TOX2: variants seen among roughly 807,000 people sequenced by gnomAD.
The protein encoded by TOX2 is TOX high mobility group box family member 2.
In TOX2, 15 loss-of-function variants were observed where a neutral mutation model predicts 47.4. The ratio of observed to expected loss-of-function variants is 0.32; its 90% confidence interval spans 0.21 to 0.49. The LOEUF (loss-of-function observed/expected upper bound fraction) is 0.49. Among genes scored for constraint, TOX2 ranks in the 20% least tolerant of loss-of-function variants. TOX2 has a pLI of 0.99. For synonymous variants in TOX2, 290 were observed against 296.6 expected (o/e 0.98, Z 0.23); for missense variants, 622 against 673.1 (o/e 0.92, Z 0.84).
At chr20:44,001,187 A>G (rs1397062564) in intron 2 of TOX2, among the ~76,000 whole-genome samples, 2 of 152,208 alleles carry the variant, frequency 1.3e-5, no homozygotes, top group African/African-American at 4.8e-5. Flanking sequence ...GGAACGGCCA[A>G]TTCTACTGTA....
chr20:44,055,536 A>G (rs2071601273), intron 5 of TOX2, among the ~76,000 whole-genome samples: 1 of 152,166 alleles, frequency 6.6e-6, no homozygotes, highest in Non-Finnish European at 1.5e-5. Context: ...CGGAGCTGGA[A>G]AGGAGGGCAG....
intron 3 of TOX2, among the ~76,000 whole-genome samples, chr20:44,031,260 C>T (rs911789884): frequency 5.9e-5 from 9 of 152,110 alleles, no homozygotes; most frequent in Non-Finnish European, 4.4e-5. Flanking sequence ...TGTGTTCAGC[C>T]GCTGTTCCTT....
intron 5 of TOX2, among the ~76,000 whole-genome samples, chr20:44,059,980 A>C (rs1042773914): frequency 1.3e-5 from 2 of 152,168 alleles, no homozygotes; most frequent in Non-Finnish European, 2.9e-5. Flanking sequence ...TGAATAATTG[A>C]CCAACTGAGT....
At chr20:44,051,005 G>A (rs1487962297) in intron 3 of TOX2, among the ~76,000 whole-genome samples, 1 of 152,188 alleles carries the variant, frequency 6.6e-6, no homozygotes, top group African/African-American at 2.4e-5. Flanking sequence ...CTCATCAAAT[G>A]ATCCAACATA....
Position 43,916,238 on chromosome 20 carries a change from GC to G in TOX2, c.99+1254del. 1 of 985,118 alleles carries G rather than the reference GC, an allele frequency of 1.0e-6. No homozygotes were observed. Among genetic ancestry groups the G allele is most frequent in the Non-Finnish European group, 1.2e-6 (1 of 829,638 alleles). 61.0% of individuals were successfully genotyped at this position (985,118 alleles called of 1,614,324 possible). On this transcript the variant is annotated intron_variant, in intron 1 of 8. Transcript: ENST00000341197. The surrounding 1 kb of genome is among the most constrained non-coding windows in gnomAD (Gnocchi z 5.0). ...GTGCGCGTCCAGTGGCTGGATCGGCGCCCCCCAGGGTCTCTCCCCAACCTCG... is the reference window on the plus strand; with the variant it reads ...GTGCGCGTCCAGTGGCTGGATCGGCGCCCCCAGGGTCTCTCCCCAACCTCG...
intron 2 of TOX2, among the ~76,000 whole-genome samples, chr20:43,995,113 T>C (rs1418029788): frequency 6.6e-6 from 1 of 152,014 alleles, no homozygotes; most frequent in Non-Finnish European, 1.5e-5. Context: ...GGACTTTTAG[T>C]TTTTTATTTT....
intron 1 of TOX2, among the ~76,000 whole-genome samples, chr20:43,966,786 G>A (rs1176637322): frequency 6.6e-6 from 1 of 151,830 alleles, no homozygotes; most frequent in African/African-American, 2.4e-5. Flanking sequence ...GGCACTGGAG[G>A]CTCCCACTAT....
chr20:43,964,179 C>G (rs1378515017), intron 1 of TOX2, among the ~76,000 whole-genome samples: 6 of 151,974 alleles, frequency 3.9e-5, no homozygotes, highest in African/African-American at 7.2e-5. Flanking sequence ...GTGTTTGTAT[C>G]CACTGTGCCA....
Position 43,915,009 on chromosome 20 carries a change from G to A in TOX2, c.99+19G>A, listed in dbSNP as rs2069040323. On this transcript the variant is annotated intron_variant, in intron 1 of 8. Coordinates refer to ENST00000341197, the MANE Select transcript of TOX2 (RefSeq NM_001098797.2). This position sits in a 1 kb window ranked among gnomAD's most constrained non-coding sequence, Gnocchi z 7.1. Reference sequence around the variant, plus strand: ...CGGCAAGGTAGGCGGGGGCGGGCGGGGGTCCCCGGCGGGCGGGGCCGGAGT... The same window carrying A: ...CGGCAAGGTAGGCGGGGGCGGGCGGAGGTCCCCGGCGGGCGGGGCCGGAGT... 1 of 1,236,414 alleles carries A rather than the reference G, an allele frequency of 8.1e-7. No individual in the cohort carries two copies. The highest frequency in any genetic ancestry group is 1.0e-6 in the Non-Finnish European group (1 of 988,266). The allele number at this position is 1,236,414 out of a possible 1,614,324, so 76.6% of individuals were successfully genotyped here.
intron 3 of TOX2, among the ~76,000 whole-genome samples, chr20:44,048,414 G>GTATA (rs1192610026): frequency 8.4e-6 from 1 of 118,374 alleles, no homozygotes; most frequent in East Asian, 2.2e-4. Flanking sequence ...ATATATATAT[G>GTATA]TATAATTTAC....
intron 2 of TOX2, among the ~76,000 whole-genome samples, chr20:43,978,868 G>A (rs894095835): frequency 4.6e-5 from 7 of 151,884 alleles, no homozygotes; most frequent in Non-Finnish European, 7.4e-5. Context: ...TGACAAGAAT[G>A]AATACAGGGA....
intron 3 of TOX2, among the ~76,000 whole-genome samples, chr20:44,010,658 A>G (rs111866976): frequency 1.3e-3 from 194 of 152,238 alleles, no homozygotes; most frequent in African/African-American, 4.1e-3. Context: ...GTGACGCTGG[A>G]ATTGGTGTTA....
chr20:43,989,225 C>T (rs60652521), intron 2 of TOX2, among the ~76,000 whole-genome samples: 1 of 152,210 alleles, frequency 6.6e-6, no homozygotes, highest in Non-Finnish European at 1.5e-5. Flanking sequence ...GCCTAGTGTA[C>T]TTTGCCTTCC....
chr20:43,918,619 T>C (rs928885536), intron 1 of TOX2, among the ~76,000 whole-genome samples: 2 of 152,250 alleles, frequency 1.3e-5, no homozygotes, highest in Non-Finnish European at 2.9e-5. Flanking sequence ...TTCTTTTTGC[T>C]CAATGTAATG....
chr20:44,030,819 T>C (rs1011724474), intron 3 of TOX2, among the ~76,000 whole-genome samples: 1 of 151,700 alleles, frequency 6.6e-6, no homozygotes, highest in African/African-American at 2.4e-5. Flanking sequence ...AGAACAAGAG[T>C]TTATGGGAAA....
chr20:44,066,774 C>T lies in TOX2; in HGVS notation c.1401C>T (p.Cys467=). The change falls in exon 8 of 9, where the codon TGC becomes TGT. Residue 467 remains cysteine (C), a synonymous_variant. Transcript: ENST00000341197. ...ISEFPSSSGS[C]SPGPSNPTSS... ...AGTTCCCCAGCAGCTCGGGATCCTG[C>T]TCACCTGGCCCATCCAACCCCACCA... 1 of 1,614,182 alleles carries T rather than the reference C, an allele frequency of 6.2e-7. No individual in the cohort carries two copies. The highest frequency in any genetic ancestry group is 1.1e-5 in the South Asian group (1 of 91,082).
At chr20:43,920,265 A>G (rs1307835461) in intron 1 of TOX2, among the ~76,000 whole-genome samples, 7 of 152,214 alleles carry the variant, frequency 4.6e-5, no homozygotes, top group Non-Finnish European at 1.0e-4. Flanking sequence ...AGCATCTTGT[A>G]AGGATGAGAT....
intron 1 of TOX2, among the ~76,000 whole-genome samples, chr20:43,947,365 GCA>G (rs2069491417): frequency 6.6e-6 from 1 of 152,242 alleles, no homozygotes; most frequent in South Asian, 2.1e-4. Context: ...ATGCACGTGT[GCA>G]CACACTCACT....
At chr20:43,974,094 G>A (rs1335707194) in intron 2 of TOX2, among the ~76,000 whole-genome samples, 1 of 152,214 alleles carries the variant, frequency 6.6e-6, no homozygotes, top group Non-Finnish European at 1.5e-5. Flanking sequence ...TGATGCCACA[G>A]AGGGTCCTTG....
Sources: allele counts gnomAD v4.1 joint callset (sites outside exome capture counted in the v4.1 genomes callset), GRCh38; gene constraint gnomAD v4.1.1; non-coding constraint Gnocchi (gnomAD v3.1); transcripts MANE v1.5; gene names NCBI Gene and HGNC (gene_info 2026-07-23, HGNC 2026-07-21).